ARHGAP26: variants seen among roughly 807,000 people sequenced by gnomAD.
ARHGAP26 encodes the protein Rho GTPase activating protein 26, also known as rho GTPase-activating protein 26.
ARHGAP26 carries 38 observed loss-of-function variants against 104.8 expected under a neutral mutation model. That is an observed-to-expected ratio of 0.36 (90% CI 0.28 to 0.48). ARHGAP26 has a LOEUF of 0.48. Ranked by LOEUF, ARHGAP26 falls within the 20% of genes least tolerant of loss-of-function variation. The pLI is 0.99. For synonymous variants in ARHGAP26, 341 were observed against 340.0 expected (o/e 1.00, Z -0.03); for missense variants, 704 against 947.9 (o/e 0.74, Z 3.38).
intron 1 of ARHGAP26, among the ~76,000 whole-genome samples, chr5:142,857,362 G>A (rs968905561): frequency 3.9e-5 from 6 of 152,104 alleles, no homozygotes; most frequent in Non-Finnish European, 7.4e-5. Context: ...AAGATTCCTG[G>A]GTTGATGGGC....
At chr5:142,905,439 T>G in intron 8 of ARHGAP26, among the ~76,000 whole-genome samples, 1 of 152,166 alleles carries the variant, frequency 6.6e-6, no homozygotes. Context: ...TTGAAATAAT[T>G]TCAGACATAC....
intron 11 of ARHGAP26, among the ~76,000 whole-genome samples, chr5:142,991,990 T>C (rs1481077276): frequency 2.6e-5 from 4 of 152,238 alleles, no homozygotes; most frequent in Non-Finnish European, 5.9e-5. Context: ...TACTAGTTGC[T>C]ACCAAAGTTT....
intron 1 of ARHGAP26, among the ~76,000 whole-genome samples, chr5:142,845,009 C>G (rs990639368): frequency 6.6e-6 from 1 of 152,176 alleles, no homozygotes; most frequent in African/African-American, 2.4e-5. Context: ...GATGCACTTC[C>G]TTTTCGTCTT....
At position 143,105,755 on chromosome 5, in the gene ARHGAP26, C is replaced by A. The variant is rs1017206573; in HGVS notation, c.1539-15233C>A. On this transcript the variant is annotated intron_variant, in intron 17 of 22. Coordinates refer to ENST00000645722, the MANE Select transcript of ARHGAP26 (RefSeq NM_001135608.3). ...CACCAAGGTTCGTGGCTGTAGGCATCCTCTCTTCAGTGCGTCAGAAGTCTG... is the reference window on the plus strand; with the variant it reads ...CACCAAGGTTCGTGGCTGTAGGCATACTCTCTTCAGTGCGTCAGAAGTCTG... Among the ~76,000 whole-genome samples, 5 of 152,178 alleles carry A rather than the reference C, an allele frequency of 3.3e-5. No homozygotes were observed. In the East Asian group the frequency reaches 9.6e-4, roughly 29 times the overall value.
At chr5:142,875,214 G>T (rs753046222) in intron 3 of ARHGAP26, 43 bp downstream of exon 3, 4 of 1,585,762 alleles carry the variant, frequency 2.5e-6, no homozygotes, top group Non-Finnish European at 3.5e-6. Context: ...TAGTATATTC[G>T]TGTTGAGGGA....
intron 11 of ARHGAP26, among the ~76,000 whole-genome samples, chr5:142,967,682 A>G (rs1430143246): frequency 6.6e-6 from 1 of 152,214 alleles, no homozygotes; most frequent in Non-Finnish European, 1.5e-5. Flanking sequence ...TAATAAGGTA[A>G]GATAGGTGGG....
chr5:142,923,531 G>A (rs1167089469), intron 10 of ARHGAP26, among the ~76,000 whole-genome samples: 2 of 152,108 alleles, frequency 1.3e-5, no homozygotes, highest in African/African-American at 4.8e-5. Context: ...ATAATGCCTT[G>A]TCCTTGTGCA....
intron 17 of ARHGAP26, among the ~76,000 whole-genome samples, chr5:143,092,401 T>TGA (rs1242953395): frequency 6.6e-6 from 1 of 152,182 alleles, no homozygotes; most frequent in African/African-American, 2.4e-5. Context: ...CCTGACCTCG[T>TGA]GATCCGCCCA....
In ARHGAP26 at chr5:142,956,897, A is replaced by G. The variant is rs111694351; in HGVS notation, c.1107+24772A>G. 9.1e-4 allele frequency among the ~76,000 whole-genome samples: 139 copies of G among 152,262 alleles called. 4 individuals are homozygous for G. Among genetic ancestry groups the G allele is most frequent in the African/African-American group, 3.1e-3 (127 of 41,544 alleles). On this transcript the variant is annotated intron_variant, in intron 11 of 22. Coordinates refer to ENST00000645722, the MANE Select transcript of ARHGAP26 (RefSeq NM_001135608.3). ...CCCATCAGATCTCATGAGACTTACT[A>G]TCATAAGAATAAGATGGGAAATACC...
chr5:143,179,460 C>T (rs1289109682), intron 20 of ARHGAP26, among the ~76,000 whole-genome samples: 3 of 152,248 alleles, frequency 2.0e-5, no homozygotes, highest in African/African-American at 2.4e-5. Flanking sequence ...TTCTGCTCTG[C>T]TGGCTGTGAT....
chr5:143,158,377 C>T (rs897923357), intron 20 of ARHGAP26, among the ~76,000 whole-genome samples: 4 of 152,164 alleles, frequency 2.6e-5, no homozygotes, highest in African/African-American at 7.2e-5. Context: ...ACACAAAGAG[C>T]GTTGGTCAAA....
Position 142,923,395 on chromosome 5 carries a change from T to A in ARHGAP26, c.1029-8652T>A, listed in dbSNP as rs575402604. 9.8e-5 allele frequency among the ~76,000 whole-genome samples: 15 copies of A among 152,294 alleles called. 1 individual carries two copies. The East Asian group carries it at 2.9e-3, about 29-fold the overall frequency. On this transcript the variant is annotated intron_variant, in intron 10 of 22. Transcript: ENST00000645722. ...TTCCACTTATGTACATTTCTGTTGA[T>A]TGTGAGATAGAATAGTAAAAATGAA...
chr5:142,848,723 G>T (rs1750930671), intron 1 of ARHGAP26, among the ~76,000 whole-genome samples: 1 of 152,160 alleles, frequency 6.6e-6, no homozygotes. Context: ...ATGATTCTTT[G>T]CATGGTTTTT....
chr5:143,093,496 A>G (rs991157140), intron 17 of ARHGAP26, among the ~76,000 whole-genome samples: 4 of 151,258 alleles, frequency 2.6e-5, no homozygotes, highest in African/African-American at 9.7e-5. Flanking sequence ...TACTATTTCT[A>G]TCTCTCTCTC....
chr5:142,771,426 C>T, intron 1 of ARHGAP26: 1 of 1,231,420 alleles, frequency 8.1e-7, no homozygotes, highest in Non-Finnish European at 1.0e-6. Context: ...CTAGTCAGGC[C>T]GCCGGGTTCC....
intron 1 of ARHGAP26, among the ~76,000 whole-genome samples, chr5:142,867,161 T>C (rs1754428149): frequency 6.6e-6 from 1 of 152,182 alleles, no homozygotes; most frequent in Non-Finnish European, 1.5e-5. Flanking sequence ...GTTGTTTAAA[T>C]TAGCTGCTTG....
chr5:143,092,117 C>T (rs925837258), intron 17 of ARHGAP26, among the ~76,000 whole-genome samples: 7 of 150,488 alleles, frequency 4.7e-5, no homozygotes, highest in African/African-American at 1.5e-4. Context: ...GACAATTCTT[C>T]GACATGCCTC....
chr5:142,960,076 A>G (rs1428332749), intron 11 of ARHGAP26, among the ~76,000 whole-genome samples: 6 of 152,274 alleles, frequency 3.9e-5, no homozygotes, highest in Non-Finnish European at 5.9e-5. Context: ...TCATGGCCTC[A>G]TGGCCATAGC....
intron 11 of ARHGAP26, among the ~76,000 whole-genome samples, chr5:142,996,378 A>G (rs1266330576): frequency 6.6e-6 from 1 of 152,156 alleles, no homozygotes; most frequent in Non-Finnish European, 1.5e-5. Flanking sequence ...CTGTAATCCC[A>G]GCTACTTAGG....
Sources: allele counts gnomAD v4.1 joint callset (sites outside exome capture counted in the v4.1 genomes callset), GRCh38; gene constraint gnomAD v4.1.1; transcripts MANE v1.5; gene names NCBI Gene and HGNC (gene_info 2026-07-23, HGNC 2026-07-21).